Variants in AXDND1 observed in about 807,000 individuals in gnomAD.
AXDND1 encodes axonemal dynein light chain domain containing 1.
Under a neutral mutation model 137.5 loss-of-function variants are expected in AXDND1, and 110 were observed. The ratio of observed to expected loss-of-function variants is 0.80; its 90% CI spans 0.69 to 0.94. The LOEUF is 0.94. Among genes scored for constraint, AXDND1 ranks in the 40% least tolerant of loss-of-function variants. The pLI is 0.00. For synonymous variants in AXDND1, 414 were observed against 399.7 expected (o/e 1.04, Z -0.43); for missense variants, 1,191 against 1,169.8 (o/e 1.02, Z -0.26).
At chr1:179,501,874 A>G (rs1001582042) in intron 20 of AXDND1, among the ~76,000 whole-genome samples, 4 of 152,198 alleles carry the variant, frequency 2.6e-5, no homozygotes, top group African/African-American at 9.6e-5. Flanking sequence ...TTAGAAGACA[A>G]TATCTAAGAT....
chr1:179,399,020 G>T (rs1651525729), intron 11 of AXDND1, among the ~76,000 whole-genome samples: 1 of 152,198 alleles, frequency 6.6e-6, no homozygotes, highest in African/African-American at 2.4e-5. Flanking sequence ...ATTGCTGTGG[G>T]CCTGGGGGAA....
chr1:179,385,464 A>C, intron 9 of AXDND1, 105 bp downstream of exon 9: 2 of 1,311,442 alleles, frequency 1.5e-6, no homozygotes, highest in South Asian at 1.3e-5. Context: ...TCTCTATTCT[A>C]CTGATCGTAA....
chr1:179,543,207 T>C (rs1056607739), intron 25 of AXDND1: 3 of 152,158 alleles, frequency 2.0e-5, no homozygotes, highest in African/African-American at 7.2e-5. Flanking sequence ...GAGTAGGGGA[T>C]GTATTTATTT....
chr1:179,430,306 G>A, intron 13 of AXDND1, 146 bp from the exon 14 acceptor site: 1 of 624,980 alleles, frequency 1.6e-6, no homozygotes. Flanking sequence ...CAAATGAATG[G>A]TGTAGTAGTG....
rs922159033 is a variant in AXDND1 at position 179,402,172 on chromosome 1, A to C, written c.1109+6970A>C. Reference sequence around the variant, plus strand: ...AGAGCGAGACTCCGTCTCAAAAAAAAAAAAAAAAAATCACCCTGTCTTGGG... The same window carrying C: ...AGAGCGAGACTCCGTCTCAAAAAAACAAAAAAAAAATCACCCTGTCTTGGG... On this transcript the variant is annotated intron_variant, in intron 11 of 25. Transcript: ENST00000367618. Among the ~76,000 whole-genome samples the C allele has an allele frequency of 5.0e-3, 756 of 152,044 alleles. 6 individuals carry two copies. Among genetic ancestry groups the C allele is most frequent in the African/African-American group, 0.017 (709 of 41,448 alleles).
chr1:179,441,817 G>A (rs12729067), intron 15 of AXDND1, among the ~76,000 whole-genome samples: 31,331 of 152,150 alleles, frequency 0.21, 3,419 homozygotes, highest in Non-Finnish European at 0.24. Context: ...ATTTCCAGCA[G>A]CATGGTTCTG....
At chr1:179,535,274 G>C (rs1048912020) in intron 25 of AXDND1, among the ~76,000 whole-genome samples, 1 of 151,634 alleles carries the variant, frequency 6.6e-6, no homozygotes, top group Non-Finnish European at 1.5e-5. Context: ...TGTACAACGT[G>C]CAGGTTTGGT....
chr1:179,528,476 T>C, intron 23 of AXDND1, 45 bp downstream of exon 23: 1 of 1,360,978 alleles, frequency 7.3e-7, no homozygotes, highest in East Asian at 2.3e-5. Flanking sequence ...CTATTTAACA[T>C]TGCATAAAAA....
chr1:179,466,805 A>C (rs114321950), intron 16 of AXDND1, among the ~76,000 whole-genome samples: 13 of 152,282 alleles, frequency 8.5e-5, no homozygotes, highest in African/African-American at 3.1e-4. Flanking sequence ...GGATGATACT[A>C]TATTACATAA....
intron 18 of AXDND1, 41 bp downstream of exon 18, chr1:179,483,262 G>A (rs745378350): frequency 2.0e-5 from 28 of 1,428,320 alleles, no homozygotes; most frequent in South Asian, 4.0e-5. Flanking sequence ...ATTTTGCCTC[G>A]GCTGGCAAAT....
At chr1:179,395,353 C>A in intron 11 of AXDND1, 151 bp downstream of exon 11, 1 of 625,580 alleles carries the variant, frequency 1.6e-6, no homozygotes, top group Non-Finnish European at 2.7e-6. Flanking sequence ...ATTTCTCATT[C>A]TGGGTGCAAA....
intron 20 of AXDND1, among the ~76,000 whole-genome samples, chr1:179,494,418 C>T (rs1198913975): frequency 6.6e-6 from 1 of 151,922 alleles, no homozygotes; most frequent in Non-Finnish European, 1.5e-5. Context: ...AAATCTTTGA[C>T]CCGTTTAGTA....
intron 21 of AXDND1, among the ~76,000 whole-genome samples, chr1:179,512,388 T>C (rs891417193): frequency 8.5e-5 from 13 of 152,206 alleles, no homozygotes; most frequent in Non-Finnish European, 2.9e-5. Flanking sequence ...TTTGGATTTA[T>C]TTCTGGGTTC....
intron 21 of AXDND1, among the ~76,000 whole-genome samples, chr1:179,521,698 C>T (rs1282321004): frequency 6.6e-6 from 1 of 151,350 alleles, no homozygotes; most frequent in Non-Finnish European, 1.5e-5. Flanking sequence ...TGAAGATATC[C>T]TGGTGGCAAA....
chr1:179,421,539 A>G lies in AXDND1; in HGVS notation c.1231-7979A>G, dbSNP rs187372294. Among the ~76,000 whole-genome samples, 4 of 151,664 alleles carry G rather than the reference A, an allele frequency of 2.6e-5. No individual in the cohort carries two copies. The East Asian group carries it at 5.9e-4, about 22-fold the overall frequency. ...GCTGGGAATACAGGTGTGCACCACC[A>G]TGCCTGGCTAATTTTTGTATTTTTA... is the stretch of plus-strand genomic sequence containing the variant. On this transcript the variant is annotated intron_variant, in intron 12 of 25. Coordinates refer to ENST00000367618, the MANE Select transcript of AXDND1 (RefSeq NM_144696.6).
chr1:179,446,172 GT>G (rs888560634), intron 16 of AXDND1, among the ~76,000 whole-genome samples: 2 of 151,910 alleles, frequency 1.3e-5, no homozygotes, highest in South Asian at 2.1e-4. Context: ...CTTTGCCTAT[GT>G]TTTTTTTCTA....
At chr1:179,466,591 C>T (rs1223383824) in intron 16 of AXDND1, among the ~76,000 whole-genome samples, 1 of 152,030 alleles carries the variant, frequency 6.6e-6, no homozygotes. Flanking sequence ...AATTTTCCAT[C>T]TTGTCATTTT....
chr1:179,459,839 TTCCC>T (rs1662000931), intron 16 of AXDND1, among the ~76,000 whole-genome samples: 1 of 136,084 alleles, frequency 7.3e-6, no homozygotes, highest in Non-Finnish European at 1.6e-5. Flanking sequence ...TTTCTTTTCT[TTCCC>T]TTCCTTCCTT....
chr1:179,552,596 T>A (rs115778946), intron 25 of AXDND1: 1 of 1,612,096 alleles, frequency 6.2e-7, no homozygotes. Context: ...GAGGATGGAG[T>A]GCTCACCCGC....
Sources: allele counts gnomAD v4.1 joint callset (sites outside exome capture counted in the v4.1 genomes callset), GRCh38; gene constraint gnomAD v4.1.1; transcripts MANE v1.5; gene names NCBI Gene and HGNC (gene_info 2026-07-23, HGNC 2026-07-21).